DGKI: variants seen among roughly 807,000 people sequenced by gnomAD.
The protein encoded by DGKI is DAG kinase iota.
Under a neutral mutation model 147.5 loss-of-function variants are expected in DGKI, and 55 were observed. The observed-to-expected ratio is 0.37, with a 90% CI of 0.30 to 0.47. The LOEUF (loss-of-function observed/expected upper bound fraction) is 0.47, where lower values mean the gene tolerates loss of function less well. Among genes scored for constraint, DGKI ranks in the 20% least tolerant of loss-of-function variants. The pLI, the probability that DGKI is intolerant of heterozygous loss-of-function variation, is 1.00. For missense variants in DGKI, 1,007 were observed against 1,323.8 expected (o/e 0.76, Z 3.71); for synonymous variants, 469 against 477.1 (o/e 0.98, Z 0.22).
rs540700682 is a variant in DGKI, at chr7:137,806,140, C to G, written c.401+40322G>C. On this transcript the variant is annotated intron_variant, in intron 1 of 32. Transcript: ENST00000614521. Reference sequence around the variant, plus strand: ...GCGTCTGTTTGGTAGATGAAGGTCCCCACCTGATGGCTTTAGAAGGCAGGG... The same window carrying G: ...GCGTCTGTTTGGTAGATGAAGGTCCGCACCTGATGGCTTTAGAAGGCAGGG... 5.9e-5 allele frequency among the ~76,000 whole-genome samples: 9 copies of G among 152,308 alleles called. No individual in the cohort carries two copies. In the East Asian group the frequency reaches 1.3e-3, roughly 23 times the overall value.
intron 1 of DGKI, among the ~76,000 whole-genome samples, chr7:137,810,775 A>G (rs2116998451): frequency 6.6e-6 from 1 of 152,256 alleles, no homozygotes; most frequent in African/African-American, 2.4e-5. Context: ...TTTGTGGCAA[A>G]TAAACATTCC....
At chr7:137,664,049 T>C (rs528301479) in intron 3 of DGKI, among the ~76,000 whole-genome samples, 2 of 151,870 alleles carry the variant, frequency 1.3e-5, no homozygotes, top group Admixed American at 6.5e-5. Context: ...CCTCAGACTG[T>C]TTGAGGAATG....
chr7:137,552,712 C>A, intron 19 of DGKI, 144 bp from the exon 20 acceptor site: 1 of 742,730 alleles, frequency 1.3e-6, no homozygotes. Flanking sequence ...AGTTCCAGAG[C>A]AGCCTGGCCA....
chr7:137,444,246 T>C, intron 27 of DGKI, 144 bp from the exon 28 acceptor site: 1 of 560,242 alleles, frequency 1.8e-6, no homozygotes, highest in East Asian at 3.5e-5. Context: ...GTTGATTGCA[T>C]GGTATATTTC....
intron 19 of DGKI, among the ~76,000 whole-genome samples, chr7:137,568,551 C>T (rs1818671907): frequency 6.6e-6 from 1 of 152,176 alleles, no homozygotes; most frequent in Non-Finnish European, 1.5e-5. Context: ...GATAGACCCA[C>T]CAGCAGAAGA....
chr7:137,420,648 G>A (rs537297854), intron 28 of DGKI, among the ~76,000 whole-genome samples: 2 of 152,252 alleles, frequency 1.3e-5, no homozygotes, highest in South Asian at 4.2e-4. Flanking sequence ...AAAGCAGGGG[G>A]AAGACCAGGC....
chr7:137,731,340 T>G (rs766331082), intron 1 of DGKI, among the ~76,000 whole-genome samples: 1 of 152,132 alleles, frequency 6.6e-6, no homozygotes, highest in Non-Finnish European at 1.5e-5. Flanking sequence ...CACGTAAACA[T>G]AAGCTTCATG....
intron 1 of DGKI, among the ~76,000 whole-genome samples, chr7:137,818,596 CAT>C (rs1401919081): frequency 6.6e-6 from 1 of 152,190 alleles, no homozygotes; most frequent in Non-Finnish European, 1.5e-5. Flanking sequence ...CATGCGCCAC[CAT>C]GCCCGGCTAA....
chr7:137,709,240 A>T (rs1410075815), intron 1 of DGKI, among the ~76,000 whole-genome samples: 1 of 152,202 alleles, frequency 6.6e-6, no homozygotes, highest in Non-Finnish European at 1.5e-5. Flanking sequence ...GAAACTAAGG[A>T]AGCTTAAATT....
chr7:137,504,938 A>C (rs1816314316), intron 21 of DGKI, among the ~76,000 whole-genome samples: 1 of 152,146 alleles, frequency 6.6e-6, no homozygotes, highest in Admixed American at 6.5e-5. Context: ...AAAATGAAAA[A>C]TTAGCCACAG....
At chr7:137,426,826 G>A (rs1399444020) in intron 28 of DGKI, among the ~76,000 whole-genome samples, 1 of 151,900 alleles carries the variant, frequency 6.6e-6, no homozygotes, top group Non-Finnish European at 1.5e-5. Context: ...ATGGTAAAGG[G>A]ATCAATTCAA....
intron 1 of DGKI, among the ~76,000 whole-genome samples, chr7:137,780,849 A>C (rs1026099911): frequency 3.3e-5 from 5 of 152,356 alleles, no homozygotes; most frequent in African/African-American, 1.2e-4. Context: ...TTGTTCAAGG[A>C]AGCTATTGAT....
rs186385622 is a variant in DGKI, at chr7:137,643,108, G to A, written c.804+2364C>T. ...AGATCGAGACCATCTTGGCTAACAC[G>A]GTGAAACCCTGTTTCTACTAAAAAT... On this transcript the variant is annotated intron_variant, in intron 6 of 32. Coordinates refer to ENST00000614521, the MANE Select transcript of DGKI (RefSeq NM_001321708.2). Among the ~76,000 whole-genome samples, 122 of 151,540 alleles carry A rather than the reference G, an allele frequency of 8.1e-4. No homozygotes were observed. In the East Asian group the frequency reaches 0.02, roughly 25 times the overall value.
chr7:137,460,896 C>T (rs180821480), intron 27 of DGKI, among the ~76,000 whole-genome samples: 15 of 152,134 alleles, frequency 9.9e-5, no homozygotes, highest in East Asian at 7.7e-4. Flanking sequence ...ATAATTTTTA[C>T]GCTTATTTTG....
intron 1 of DGKI, among the ~76,000 whole-genome samples, chr7:137,770,425 A>G (rs566359019): frequency 5.3e-4 from 81 of 152,304 alleles, no homozygotes; most frequent in Middle Eastern, 6.8e-3. Context: ...TGGCACATGT[A>G]TACCTATGTA....
At chr7:137,545,461 C>T (rs1455061946) in intron 20 of DGKI, among the ~76,000 whole-genome samples, 2 of 151,670 alleles carry the variant, frequency 1.3e-5, no homozygotes, top group African/African-American at 2.4e-5. Context: ...TTTACTGTAA[C>T]TATGGATCTT....
At chr7:137,803,973 T>C (rs2116972083) in intron 1 of DGKI, among the ~76,000 whole-genome samples, 1 of 152,344 alleles carries the variant, frequency 6.6e-6, no homozygotes, top group East Asian at 1.9e-4. Context: ...CATGCCCACT[T>C]TGCACAATTA....
chr7:137,577,958 C>A (rs1006324766), intron 16 of DGKI, among the ~76,000 whole-genome samples: 2 of 152,190 alleles, frequency 1.3e-5, no homozygotes, highest in African/African-American at 2.4e-5. Context: ...ACAATTCCTC[C>A]ATTTCTTACA....
chr7:137,722,527 C>T, intron 1 of DGKI: 1 of 1,608,640 alleles, frequency 6.2e-7, no homozygotes, highest in Non-Finnish European at 8.5e-7. Flanking sequence ...ACCTCTGGTC[C>T]TCAATCGAGT....
Sources: allele counts gnomAD v4.1 joint callset (sites outside exome capture counted in the v4.1 genomes callset), GRCh38; gene constraint gnomAD v4.1.1; transcripts MANE v1.5; gene names NCBI Gene and HGNC (gene_info 2026-07-23, HGNC 2026-07-21).